The following CSMD2 variants were observed in gnomAD, a reference collection of about 807,000 sequenced individuals.
CSMD2 encodes CUB and Sushi multiple domains 2.
Under a neutral mutation model 398.5 loss-of-function variants are expected in CSMD2, and 130 were observed. The observed-to-expected ratio is 0.33, with a 90% CI of 0.28 to 0.38. The LOEUF is 0.38. Among genes scored for constraint, CSMD2 ranks in the 10% least tolerant of loss-of-function variants. The pLI, the probability that CSMD2 is intolerant of heterozygous loss-of-function variation, is 1.00. For synonymous variants in CSMD2, 1,828 were observed against 1,908.5 expected (o/e 0.96, Z 1.10); for missense variants, 3,829 against 4,764.9 (o/e 0.80, Z 5.78).
chr1:33,655,842 TAGA>T (rs1217379751), intron 27 of CSMD2, among the ~76,000 whole-genome samples: 5 of 152,214 alleles, frequency 3.3e-5, no homozygotes, highest in African/African-American at 1.2e-4. Flanking sequence ...AAGCCGAGTG[TAGA>T]AGAACGGGTG....
intron 10 of CSMD2, among the ~76,000 whole-genome samples, chr1:33,800,993 C>G (rs922351200): frequency 2.0e-5 from 1 of 49,974 alleles, no homozygotes; most frequent in Non-Finnish European, 6.3e-5. Flanking sequence ...AATGGGCCAA[C>G]GAGTATGTCC....
Position 33,714,726 on chromosome 1 carries a change from G to C in CSMD2, c.3267C>G (p.Ile1089Met), listed in dbSNP as rs766497954. 10 of 1,614,068 alleles carry C rather than the reference G, an allele frequency of 6.2e-6. No individual in the cohort carries two copies. Among genetic ancestry groups the C allele is most frequent in the African/African-American group, 4.0e-5 (3 of 74,954 alleles). The change falls in exon 21 of 71, where the codon ATC (isoleucine) becomes ATG (methionine). Residue 1089 changes from isoleucine to methionine, a missense_variant. Physicochemically the swap from Ile to Met is conservative, Grantham distance 10. Transcript: ENST00000373381. Reference protein sequence around the residue: ...CEEPEVPAYSIRKGLQFGVGD... With the variant: ...CEEPEVPAYSMRKGLQFGVGD... ...CCACGCCAAACTGCAAGCCCTTCCG[G>C]ATGCTGTAGGCTGGGACCTCGGGCT... is the stretch of plus-strand genomic sequence containing the variant.
At chr1:34,125,394 A>T (rs1010475177) in intron 1 of CSMD2, among the ~76,000 whole-genome samples, 3 of 152,058 alleles carry the variant, frequency 2.0e-5, no homozygotes, top group African/African-American at 7.3e-5. Context: ...CCCTGCCATC[A>T]GGCATATGGG....
At chr1:33,771,027 G>C (rs1408908547) in intron 13 of CSMD2, among the ~76,000 whole-genome samples, 1 of 152,198 alleles carries the variant, frequency 6.6e-6, no homozygotes, top group Non-Finnish European at 1.5e-5. Context: ...CTTTCAGCTT[G>C]GGGGACAGTG....
intron 12 of CSMD2, among the ~76,000 whole-genome samples, chr1:33,775,804 G>A (rs1164869863): frequency 1.3e-5 from 2 of 152,210 alleles, no homozygotes; most frequent in Non-Finnish European, 2.9e-5. Context: ...ATTACCCAAG[G>A]AGAGTGAGAA....
chr1:34,135,117 C>T (rs186979444), intron 1 of CSMD2, among the ~76,000 whole-genome samples: 2 of 152,194 alleles, frequency 1.3e-5, no homozygotes, highest in East Asian at 1.9e-4. Flanking sequence ...GAAAATGTAG[C>T]GTTACAAAGA....
intron 60 of CSMD2, among the ~76,000 whole-genome samples, chr1:33,540,093 A>G (rs1656187372): frequency 6.6e-6 from 1 of 152,168 alleles, no homozygotes; most frequent in African/African-American, 2.4e-5. Context: ...GGGGCTCCTC[A>G]GGATACAACT....
At chr1:33,790,688 T>TATC (rs1445344659) in intron 11 of CSMD2, among the ~76,000 whole-genome samples, 1 of 134,596 alleles carries the variant, frequency 7.4e-6, no homozygotes, top group African/African-American at 3.2e-5. Flanking sequence ...TCTATCTATC[T>TATC]ATCTATCTAT....
chr1:33,791,907 G>C (rs1553208143), intron 11 of CSMD2, among the ~76,000 whole-genome samples: 1 of 152,124 alleles, frequency 6.6e-6, no homozygotes, highest in Non-Finnish European at 1.5e-5. Flanking sequence ...CCTCTCCCTT[G>C]TCTGGAACAT....
At chr1:34,080,036 T>C (rs1411574656) in intron 2 of CSMD2, among the ~76,000 whole-genome samples, 1 of 140,068 alleles carries the variant, frequency 7.1e-6, no homozygotes, top group African/African-American at 2.7e-5. Flanking sequence ...ATAGATATAT[T>C]AAAAATAGAG....
At position 33,537,822 on chromosome 1, in the gene CSMD2, A is replaced by G. The variant is rs537404791; in HGVS notation, c.9632-213T>C. On this transcript the variant is annotated intron_variant, in intron 60 of 70. Transcript: ENST00000373381. The surrounding 1 kb of genome is among the most constrained non-coding windows in gnomAD (Gnocchi z 4.6). The stretch of plus-strand genomic sequence containing the variant: ...CCTTCTACATTCAAAGTGCCTATTA[A>G]TAATGATCCAAGTAATGGAGTAACA... 6.6e-6 allele frequency among the ~76,000 whole-genome samples: 1 copy of G among 152,370 alleles called. No individual in the cohort carries two copies. The highest frequency in any genetic ancestry group is 1.5e-5 in the Non-Finnish European group (1 of 68,030).
At chr1:33,672,132 G>C (rs773583864) in intron 25 of CSMD2, among the ~76,000 whole-genome samples, 2 of 152,184 alleles carry the variant, frequency 1.3e-5, no homozygotes, top group Non-Finnish European at 2.9e-5. Context: ...GCCGGACAGT[G>C]GGTGCAGTGC....
In CSMD2 at chr1:33,837,114, T is replaced by G. The variant is rs1318159424; in HGVS notation, c.1033+9770A>C. ...CTGAGTTATATATAGCCATCTTGTTTTTTTAACAGTCTGCTCAGGTGGGTG... is the reference window on the plus strand; with the variant it reads ...CTGAGTTATATATAGCCATCTTGTTGTTTTAACAGTCTGCTCAGGTGGGTG... On this transcript the variant is annotated intron_variant, in intron 6 of 70. Coordinates refer to ENST00000373381, the MANE Select transcript of CSMD2 (RefSeq NM_001281956.2). Among the ~76,000 whole-genome samples the G allele has an allele frequency of 3.3e-5, 5 of 152,166 alleles. No homozygotes were observed. In the East Asian group the frequency reaches 9.6e-4, roughly 29 times the overall value.
Position 33,831,032 on chromosome 1 carries a change from T to C in CSMD2, c.1034-5258A>G, listed in dbSNP as rs558284862. ...TATGTGAAAAGACCAAATCTACGTC[T>C]GATTGGTGTACCTGAAAGTGACGGG... On this transcript the variant is annotated intron_variant, in intron 6 of 70. Coordinates refer to ENST00000373381, the MANE Select transcript of CSMD2 (RefSeq NM_001281956.2). Among the ~76,000 whole-genome samples the C allele has an allele frequency of 5.8e-4, 89 of 152,342 alleles. 2 individuals are homozygous for C. In the South Asian group the frequency reaches 0.018, roughly 31 times the overall value.
At chr1:33,522,410 A>G (rs899596376) in intron 67 of CSMD2, among the ~76,000 whole-genome samples, 1 of 152,116 alleles carries the variant, frequency 6.6e-6, no homozygotes, top group Non-Finnish European at 1.5e-5. Flanking sequence ...GGTGGAGTCT[A>G]TTGTTCCTGC....
Position 33,724,651 on chromosome 1 carries a change from G to T in CSMD2, c.2749C>A (p.Gln917Lys). 1 of 1,614,184 alleles carries T rather than the reference G, an allele frequency of 6.2e-7. No individual in the cohort carries two copies. The highest frequency in any genetic ancestry group is 8.5e-7 in the Non-Finnish European group (1 of 1,180,036). ...CLDPGIPVNGQRHGNDFYVGA... is the reference protein window; with the variant it reads ...CLDPGIPVNGKRHGNDFYVGA... ...ACGTAGAAGTCATTCCCATGACGCT[G>T]TCCATTTACTGGGATTCCTGGATCC... Residue 917 changes from glutamine (Q) to lysine (K), a missense_variant, in exon 18 of 71, where the codon CAG becomes AAG. Physicochemically the swap from Gln to Lys is moderately conservative, Grantham distance 53. Transcript: ENST00000373381.
chr1:33,661,042 G>C (rs2148995243), intron 26 of CSMD2, among the ~76,000 whole-genome samples: 1 of 152,300 alleles, frequency 6.6e-6, no homozygotes, highest in East Asian at 1.9e-4. Context: ...GGATGAATAG[G>C]ACTTCCATGA....
chr1:34,124,880 T>C (rs1419304430), intron 1 of CSMD2, among the ~76,000 whole-genome samples: 1 of 152,178 alleles, frequency 6.6e-6, no homozygotes, highest in Non-Finnish European at 1.5e-5. Context: ...AAGCATTTCA[T>C]CTCTGTGGAG....
intron 5 of CSMD2, among the ~76,000 whole-genome samples, chr1:33,903,575 T>C (rs1570452007): frequency 6.6e-6 from 1 of 152,188 alleles, no homozygotes; most frequent in African/African-American, 2.4e-5. Context: ...ACATTGTAAC[T>C]GGCAAGGCAG....
Sources: gnomAD v4.1 joint callset for allele counts (sites outside exome capture counted in the v4.1 genomes callset) on GRCh38, gnomAD v4.1.1 for gene constraint, Gnocchi (gnomAD v3.1) non-coding constraint, MANE v1.5 for transcripts, NCBI Gene and HGNC (gene_info 2026-07-23, HGNC 2026-07-21) for gene names.